PANK2: variants seen among roughly 807,000 people sequenced by gnomAD.
The protein encoded by PANK2 is pantothenate kinase 2.
In PANK2, 36 loss-of-function variants were observed where a neutral mutation model predicts 43.1. The observed-to-expected ratio is 0.84, with a 90% confidence interval of 0.64 to 1.10. PANK2 has a LOEUF of 1.10. Among genes scored for constraint, PANK2 ranks in the 50% least tolerant of loss-of-function variants. The probability of loss-of-function intolerance (pLI) is 0.00; values close to 1 mark genes in which losing one functional copy is unlikely to be tolerated. For synonymous variants in PANK2, 281 were observed against 238.2 expected, an observed-to-expected ratio of 1.18 and a Z score of -1.66; for missense variants, 576 against 593.3, an observed-to-expected ratio of 0.97 and a Z score of 0.30.
intron 1 of PANK2, among the ~76,000 whole-genome samples, chr20:3,903,817 CGT>C (rs747548042): frequency 6.6e-5 from 10 of 151,784 alleles, no homozygotes; most frequent in Non-Finnish European, 1.5e-4. Flanking sequence ...TTAGTAGAGA[CGT>C]GGTTTCACCA....
intron 1 of PANK2, among the ~76,000 whole-genome samples, chr20:3,900,684 T>G (rs1032827620): frequency 7.2e-5 from 11 of 152,134 alleles, no homozygotes; most frequent in African/African-American, 2.6e-4. Context: ...TCACAGAATT[T>G]CCTCTTCAGT....
chr20:3,918,855 G>A (rs1464260234), intron 6 of PANK2, 59 bp downstream of exon 6: 3 of 1,613,198 alleles, frequency 1.9e-6, no homozygotes, highest in South Asian at 2.2e-5. Flanking sequence ...GGGTCACACT[G>A]TCATGGAACT....
In PANK2 at chr20:3,924,265, A is replaced by G. The variant is rs1324726306; in HGVS notation, c.*971A>G. On this transcript the variant is annotated 3_prime_UTR_variant, in exon 7 of 7. Coordinates refer to ENST00000610179, the MANE Select transcript of PANK2 (RefSeq NM_001386393.1). The stretch of plus-strand genomic sequence containing the variant: ...AGAATAATTTCAAAAGCCTTTCCCA[A>G]GGAGAGAATGCACCTTTTATATCTG... The G allele has an allele frequency of 6.6e-6, 1 of 152,324 alleles. No homozygotes were observed. Among genetic ancestry groups the G allele is most frequent in the Admixed American group, 6.5e-5 (1 of 15,292 alleles). 9.4% of individuals were successfully genotyped at this position (152,324 alleles called of 1,614,324 possible).
intron 2 of PANK2, among the ~76,000 whole-genome samples, chr20:3,909,106 T>G (rs2090430458): frequency 1.3e-5 from 2 of 152,244 alleles, no homozygotes; most frequent in Non-Finnish European, 2.9e-5. Flanking sequence ...TGTTTTGTTT[T>G]CTTGAGATGG....
At chr20:3,916,343 A>T (rs143217161) in intron 4 of PANK2, among the ~76,000 whole-genome samples, 1 of 152,334 alleles carries the variant, frequency 6.6e-6, no homozygotes, top group African/African-American at 2.4e-5. Context: ...CACTTGGTCA[A>T]TGCTGTTGAT....
rs1600542260 is a variant in PANK2 at position 3,910,677 on chromosome 20, ATTAC to A, written c.755_758del (p.Tyr252LeufsTer17). 2 of 1,614,194 alleles carry A rather than the reference ATTAC, an allele frequency of 1.2e-6. No individual in the cohort carries two copies. The highest frequency in any genetic ancestry group is 8.5e-7 in the Non-Finnish European group (1 of 1,180,028). On this transcript the variant is annotated frameshift_variant, in exon 3 of 7. Coordinates refer to ENST00000610179, the MANE Select transcript of PANK2 (RefSeq NM_001386393.1). LOFTEE classifies it high-confidence loss of function. ...GGATTCAATGGACGGTCACAGTGCT[ATTAC>A]TTTGAAAACCCTGCTGATTCTGAAA...
At chr20:3,892,905 G>A (rs980229953) in intron 1 of PANK2, among the ~76,000 whole-genome samples, 1 of 152,108 alleles carries the variant, frequency 6.6e-6, no homozygotes, top group African/African-American at 2.4e-5. Context: ...GGCTAGGCAT[G>A]TGTATATTTA....
intron 1 of PANK2, among the ~76,000 whole-genome samples, chr20:3,906,615 A>C (rs1254370127): frequency 2.0e-5 from 3 of 152,196 alleles, no homozygotes; most frequent in Non-Finnish European, 4.4e-5. Flanking sequence ...TTTTACAATA[A>C]AATGTCGAAT....
upstream of PANK2, chr20:3,888,828 T>C (rs551851871): frequency 6.6e-6 from 3 of 454,464 alleles, no homozygotes; most frequent in East Asian, 1.0e-4. Flanking sequence ...AGGAGGCGGC[T>C]TAGCCCAAAC....
At position 3,889,783 on chromosome 20, in the gene PANK2, C is replaced by T. The variant is rs960854003; in HGVS notation, c.298+55C>T. On this transcript the variant is annotated intron_variant, in intron 1 of 6. Coordinates refer to ENST00000610179, the MANE Select transcript of PANK2 (RefSeq NM_001386393.1). ...CCGCCCTGCCCCCCCTTCCGGCCCA[C>T]CCTGTCCCCTTCCGGCCCCGCCGCC... 1.3e-5 allele frequency: 20 copies of T among 1,563,456 alleles called. No individual in the cohort carries two copies. The African/African-American group carries it at 2.3e-4, about 18-fold the overall frequency.
chr20:3,890,290 T>G (rs2090099983), intron 1 of PANK2, among the ~76,000 whole-genome samples: 1 of 152,194 alleles, frequency 6.6e-6, no homozygotes, highest in Non-Finnish European at 1.5e-5. Flanking sequence ...CTCACCCACA[T>G]ATCCCCTCCG....
chr20:3,896,229 ATTTTTTTTTTTT>A (rs35978823), intron 1 of PANK2, among the ~76,000 whole-genome samples: 1 of 111,932 alleles, frequency 8.9e-6, no homozygotes, highest in East Asian at 2.6e-4. Context: ...CGCCTGGCTA[ATTTTTTTTTTTT>A]TTTTTTTTTT....
Position 3,910,597 on chromosome 20 carries a change from C to G in PANK2, c.672C>G (p.Cys224Trp). Residue 224 changes from cysteine to tryptophan, a missense_variant, in exon 3 of 7, where the codon TGC becomes TGG. Physicochemically the swap from Cys to Trp is radical, Grantham distance 215. This residue lies in a region of PANK2 where 544 missense variants were observed against 528.9 expected (regional missense o/e 1.03). Transcript: ENST00000610179. Reference sequence around the variant, plus strand: ...TACAGATAGGTGATCTTCAGCTTTGCAAACTGGATGAACTAGATTGCTTGA... The same window carrying G: ...TACAGATAGGTGATCTTCAGCTTTGGAAACTGGATGAACTAGATTGCTTGA... The G allele has an allele frequency of 6.2e-7, 1 of 1,614,068 alleles. No homozygotes were observed. Among genetic ancestry groups the G allele is most frequent in the Non-Finnish European group, 8.5e-7 (1 of 1,180,000 alleles).
chr20:3,918,883 G>A, intron 6 of PANK2, 87 bp downstream of exon 6: 2 of 1,597,406 alleles, frequency 1.3e-6, no homozygotes, highest in Non-Finnish European at 8.6e-7. Flanking sequence ...GAGGGTGGAG[G>A]TGAAATGGGC....
intron 5 of PANK2, 95 bp from the exon 6 acceptor site, chr20:3,918,576 C>T (rs6139240): frequency 1.3e-6 from 2 of 1,538,694 alleles, no homozygotes; most frequent in East Asian, 4.5e-5. Context: ...CAAATTGTTG[C>T]TAAGAGCTAT....
At chr20:3,922,469 C>T (rs993054335) in intron 6 of PANK2, among the ~76,000 whole-genome samples, 3 of 152,190 alleles carry the variant, frequency 2.0e-5, no homozygotes, top group African/African-American at 4.8e-5. Flanking sequence ...CGGGAGCCTC[C>T]GTGCTTCCTC....
intron 1 of PANK2, chr20:3,891,220 TTCAATTTTTATTTTTTTAAATAG>T (rs1408366842): frequency 6.6e-6 from 1 of 152,164 alleles, no homozygotes; most frequent in Non-Finnish European, 1.5e-5. Context: ...AGGCTAATTT[TTCAATTTTTATTTTTTTAAATAG>T]AGATGGGATC....
At chr20:3,911,766 C>A (rs553754898) in intron 3 of PANK2, among the ~76,000 whole-genome samples, 1 of 152,196 alleles carries the variant, frequency 6.6e-6, no homozygotes, top group Non-Finnish European at 1.5e-5. Flanking sequence ...TGGCACATGC[C>A]TGTAATCCCA....
At chr20:3,905,772 G>A (rs6037688) in intron 1 of PANK2, among the ~76,000 whole-genome samples, 83 of 141,126 alleles carry the variant, frequency 5.9e-4, no homozygotes, top group African/African-American at 2.1e-3. Context: ...CTGTAGTGCA[G>A]TAGTGCTGTC....
Sources: gnomAD v4.1 joint callset for allele counts (sites outside exome capture counted in the v4.1 genomes callset) on GRCh38, gnomAD v4.1.1 for gene constraint, gnomAD v4.1.1 regional missense constraint, MANE v1.5 for transcripts, NCBI Gene and HGNC (gene_info 2026-07-23, HGNC 2026-07-21) for gene names.